PLG: variants seen among roughly 807,000 people sequenced by gnomAD.
PLG encodes plasminogen.
A neutral mutation model predicts 104.4 loss-of-function variants in PLG; 41 were observed. That is an observed-to-expected ratio of 0.39 (90% confidence interval 0.31 to 0.51). PLG has a LOEUF of 0.51. Ranked by LOEUF, PLG falls within the 20% of genes least tolerant of loss-of-function variation. The pLI is 0.76. For synonymous variants in PLG, 337 were observed against 357.1 expected (o/e 0.94, Z 0.63); for missense variants, 891 against 1,003.6 (o/e 0.89, Z 1.52).
rs201754541 is a variant in PLG at position 160,734,745 on chromosome 6, G to GAAAA, written c.1681+673_1681+676dup. Reference sequence around the variant, plus strand: ...GAATAACAAATCCATGGGTATTTCTGAAAAAAAAAAAAAAAAAAAGAAAGG... The same window carrying GAAAA: ...GAATAACAAATCCATGGGTATTTCTGAAAAAAAAAAAAAAAAAAAAAAAGAAAGG... On this transcript the variant is annotated intron_variant, in intron 13 of 18. Transcript: ENST00000308192. The surrounding 1 kb of genome is among the most constrained non-coding windows in gnomAD (Gnocchi z 4.4). Among the ~76,000 whole-genome samples the GAAAA allele has an allele frequency of 3.5e-5, 4 of 113,906 alleles. No homozygotes were observed. The highest frequency in any genetic ancestry group is 8.7e-5 in the Admixed American group (1 of 11,544). The allele number at this position is 113,906 out of a possible 152,430, so 74.7% of individuals were successfully genotyped here.
In PLG at chr6:160,732,748, C is replaced by T. The variant is rs1451638599; in HGVS notation, c.1587+855C>T. Among the ~76,000 whole-genome samples, 1 of 152,184 alleles carries T rather than the reference C, an allele frequency of 6.6e-6. No homozygotes were observed. The highest frequency in any genetic ancestry group is 2.4e-5 in the African/African-American group (1 of 41,448). On this transcript the variant is annotated intron_variant, in intron 12 of 18. Coordinates refer to ENST00000308192, the MANE Select transcript of PLG (RefSeq NM_000301.5). The surrounding 1 kb of genome is among the most constrained non-coding windows in gnomAD (Gnocchi z 4.5). ...TATTACAAAGGATCCTGGTGAACAG[C>T]CAGACAGAAGAGATGCACGGGGCAA...
Position 160,725,734 on chromosome 6 carries a change from TA to T in PLG, c.1256+3170del, listed in dbSNP as rs565807984. ...TTTTACTATACATGCTCTTTAATTG[TA>T]AAGAGCTAGTCCAAAAACCAAGTGT... On this transcript the variant is annotated intron_variant, in intron 10 of 18. Coordinates refer to ENST00000308192, the MANE Select transcript of PLG (RefSeq NM_000301.5). This position sits in a 1 kb window ranked among gnomAD's most constrained non-coding sequence, Gnocchi z 6.3. Among the ~76,000 whole-genome samples, 391 of 152,214 alleles carry T rather than the reference TA, an allele frequency of 2.6e-3. No homozygotes were observed. The highest frequency in any genetic ancestry group is 9.1e-3 in the African/African-American group (377 of 41,532).
chr6:160,720,793 T>C (rs1379115531), intron 9 of PLG, among the ~76,000 whole-genome samples: 1 of 152,212 alleles, frequency 6.6e-6, no homozygotes, highest in Non-Finnish European at 1.5e-5. Flanking sequence ...TGCACTTTTC[T>C]CTCTCTGTAT....
In PLG at chr6:160,735,806, C is replaced by T. The variant is rs763440412; in HGVS notation, c.1682-1081C>T. On this transcript the variant is annotated intron_variant, in intron 13 of 18. Transcript: ENST00000308192. This position sits in a 1 kb window ranked among gnomAD's most constrained non-coding sequence, Gnocchi z 5.4. ...TTCTGTAGTTACTCTTTTAGTACAACGATGCATGTCTACTGTATGTAAGGC... is the reference window on the plus strand; with the variant it reads ...TTCTGTAGTTACTCTTTTAGTACAATGATGCATGTCTACTGTATGTAAGGC... Among the ~76,000 whole-genome samples the T allele has an allele frequency of 2.0e-5, 3 of 152,156 alleles. No individual in the cohort carries two copies. The highest frequency in any genetic ancestry group is 4.4e-5 in the Non-Finnish European group (3 of 68,050).
chr6:160,720,161 C>T (rs1056216770), intron 9 of PLG, among the ~76,000 whole-genome samples: 2 of 152,184 alleles, frequency 1.3e-5, no homozygotes, highest in East Asian at 1.9e-4. Flanking sequence ...TCACTTGCAA[C>T]ACTTTAATGA....
At chr6:160,745,035 G>T (rs1048290494) in intron 17 of PLG, among the ~76,000 whole-genome samples, 1 of 152,106 alleles carries the variant, frequency 6.6e-6, no homozygotes, top group Non-Finnish European at 1.5e-5. Flanking sequence ...GTATGATTTT[G>T]GTTCTTTGGC....
intron 3 of PLG, chr6:160,708,347 T>C (rs1373300913): frequency 6.5e-6 from 1 of 152,774 alleles, no homozygotes; most frequent in Non-Finnish European, 1.5e-5. Flanking sequence ...TAAAAATGTG[T>C]AAAAGTTACA....
In PLG at chr6:160,732,608, C is replaced by A. The variant is rs1472289347; in HGVS notation, c.1587+715C>A. Among the ~76,000 whole-genome samples the A allele has an allele frequency of 6.6e-6, 1 of 152,218 alleles. No homozygotes were observed. Among genetic ancestry groups the A allele is most frequent in the Non-Finnish European group, 1.5e-5 (1 of 68,040 alleles). On this transcript the variant is annotated intron_variant, in intron 12 of 18. Transcript: ENST00000308192. This position sits in a 1 kb window ranked among gnomAD's most constrained non-coding sequence, Gnocchi z 4.5. ...CCAATCCCAAGTTCCAGGCGGTGAC[C>A]TGTACTTCTGCCCAACTGGACAAAA...
At chr6:160,715,027 T>G (rs1257563327) in intron 6 of PLG, 113 bp downstream of exon 6, 2 of 1,043,098 alleles carry the variant, frequency 1.9e-6, no homozygotes, top group Non-Finnish European at 2.9e-6. Flanking sequence ...CGCCTGATGT[T>G]TTTAATTTCA....
intron 3 of PLG, chr6:160,708,507 A>G (rs1018934394): frequency 2.6e-5 from 4 of 152,354 alleles, no homozygotes; most frequent in African/African-American, 9.7e-5. Flanking sequence ...CCCATCAAGT[A>G]TGCTCCCATT....
chr6:160,735,412 T>A lies in PLG; in HGVS notation c.1681+1324T>A, dbSNP rs1019482530. Among the ~76,000 whole-genome samples, 2 of 152,188 alleles carry A rather than the reference T, an allele frequency of 1.3e-5. No individual in the cohort carries two copies. Among genetic ancestry groups the A allele is most frequent in the South Asian group, 2.1e-4 (1 of 4,832 alleles). The stretch of plus-strand genomic sequence containing the variant: ...TTTCCCAGGTGCAATTCTGGTGTCC[T>A]CACCCACATTGAGGATGTACAAGAA... On this transcript the variant is annotated intron_variant, in intron 13 of 18. Coordinates refer to ENST00000308192, the MANE Select transcript of PLG (RefSeq NM_000301.5). This position sits in a 1 kb window ranked among gnomAD's most constrained non-coding sequence, Gnocchi z 5.4.
At chr6:160,702,944 G>T (rs372318116) in intron 1 of PLG, among the ~76,000 whole-genome samples, 9 of 140,240 alleles carry the variant, frequency 6.4e-5, no homozygotes, top group African/African-American at 2.4e-4. Context: ...ATACTCAGTT[G>T]CTTGGGTTAG....
chr6:160,709,677 C>A (rs1380954975), intron 3 of PLG, among the ~76,000 whole-genome samples: 1 of 152,182 alleles, frequency 6.6e-6, no homozygotes, highest in Admixed American at 6.5e-5. Context: ...TCTTCCTTGA[C>A]CCCTAGACCT....
At position 160,722,158 on chromosome 6, in the gene PLG, T is replaced by C. The variant is rs4252114; in HGVS notation, c.1097-250T>C. Among the ~76,000 whole-genome samples the C allele has an allele frequency of 0.33, 49,834 of 152,136 alleles. 9,064 individuals carry two copies. The highest frequency in any genetic ancestry group is 0.5 in the Middle Eastern group (146 of 294). ...AGGGACCCATAAAAAAGAGCTTGCA[T>C]GTAAGTGCAATTTCCAATTATAAGT... On this transcript the variant is annotated intron_variant, in intron 9 of 18. Coordinates refer to ENST00000308192, the MANE Select transcript of PLG (RefSeq NM_000301.5).
Position 160,738,141 on chromosome 6 carries a change from G to A in PLG, c.1803-397G>A, listed in dbSNP as rs1208800881. Among the ~76,000 whole-genome samples the A allele has an allele frequency of 6.6e-6, 1 of 152,230 alleles. No individual in the cohort carries two copies. On this transcript the variant is annotated intron_variant, in intron 14 of 18. Coordinates refer to ENST00000308192, the MANE Select transcript of PLG (RefSeq NM_000301.5). The surrounding 1 kb of genome is among the most constrained non-coding windows in gnomAD (Gnocchi z 6.8). ...GATCACATCTGGCTCCTTGAAGAGT[G>A]ATTCATCAGACCTTACATAGATCTT...
At position 160,718,924 on chromosome 6, in the gene PLG, C is replaced by T. The variant is rs1777789272; in HGVS notation, c.1096+86C>T. On this transcript the variant is annotated intron_variant, in intron 9 of 18. Coordinates refer to ENST00000308192, the MANE Select transcript of PLG (RefSeq NM_000301.5). The stretch of plus-strand genomic sequence containing the variant: ...GTGGCATCATCACAATATACAGTAG[C>T]TTTGTAAGTTTAATGCTATTGTGGT... The T allele has an allele frequency of 2.5e-6, 3 of 1,187,684 alleles. No homozygotes were observed. In the East Asian group the frequency reaches 7.0e-5, roughly 28 times the overall value. The allele number at this position is 1,187,684 out of a possible 1,614,324, so 73.6% of individuals were successfully genotyped here.
chr6:160,743,566 CTA>C (rs1378900091), intron 17 of PLG, among the ~76,000 whole-genome samples: 1 of 152,136 alleles, frequency 6.6e-6, no homozygotes, highest in Non-Finnish European at 1.5e-5. Flanking sequence ...TGGGCTGAGA[CTA>C]TGGGGTTTTC....
In PLG at chr6:160,740,594, G is replaced by A. The variant is rs1389086903; in HGVS notation, c.2019-717G>A. 6.6e-6 allele frequency among the ~76,000 whole-genome samples: 1 copy of A among 152,172 alleles called. No individual in the cohort carries two copies. Among genetic ancestry groups the A allele is most frequent in the Non-Finnish European group, 1.5e-5 (1 of 68,032 alleles). Reference sequence around the variant, plus strand: ...AGAAAGTGTGCCTGCTTCAAAGTTGGTGACGATGATGTTTCTTGATCAGAA... The same window carrying A: ...AGAAAGTGTGCCTGCTTCAAAGTTGATGACGATGATGTTTCTTGATCAGAA... On this transcript the variant is annotated intron_variant, in intron 16 of 18. Transcript: ENST00000308192. This position sits in a 1 kb window ranked among gnomAD's most constrained non-coding sequence, Gnocchi z 5.2.
Position 160,724,038 on chromosome 6 carries a change from G to C in PLG, c.1256+1471G>C, listed in dbSNP as rs893071739. 2.6e-5 allele frequency among the ~76,000 whole-genome samples: 4 copies of C among 152,146 alleles called. No individual in the cohort carries two copies. The highest frequency in any genetic ancestry group is 9.7e-5 in the African/African-American group (4 of 41,446). On this transcript the variant is annotated intron_variant, in intron 10 of 18. Transcript: ENST00000308192. This position sits in a 1 kb window ranked among gnomAD's most constrained non-coding sequence, Gnocchi z 5.0. ...CTTTAGAGGCAAACAACAAAATCAA[G>C]TTGCTCAGTTATGTGGCATCCACAA...
Sources: allele counts gnomAD v4.1 joint callset (sites outside exome capture counted in the v4.1 genomes callset), GRCh38; gene constraint gnomAD v4.1.1; non-coding constraint Gnocchi (gnomAD v3.1); transcripts MANE v1.5; gene names NCBI Gene and HGNC (gene_info 2026-07-23, HGNC 2026-07-21).